The following CPD variants were observed in gnomAD, a reference collection of about 807,000 sequenced individuals.
CPD encodes metallocarboxypeptidase D.
CPD carries 69 observed loss-of-function variants against 138.3 expected under a neutral mutation model. That is an observed-to-expected ratio of 0.50 (90% CI 0.41 to 0.61). The LOEUF is 0.61. CPD is among the 20% of genes least tolerant of loss of function. CPD has a pLI of 0.00. For missense variants in CPD, 1,432 were observed against 1,733.3 expected (o/e 0.83, Z 3.09); for synonymous variants, 651 against 642.1 (o/e 1.01, Z -0.21).
rs556234135 is a variant in CPD at position 30,427,494 on chromosome 17, A to C, written c.1953A>C (p.Glu651Asp). The change falls in exon 7 of 21, where the codon GAA becomes GAC. Residue 651 changes from glutamate to aspartate, a missense_variant. Around this residue, in one of 6 missense-constraint regions of CPD, gnomAD observed 297 missense variants for 405.3 expected, o/e 0.73. Transcript: ENST00000225719. ...AGATCACAGATCCTACGCAACCAGA[A>C]ACTATTGCTGTAATGAGCTGGATGA... ...FVQITDPTQP[E>D]TIAVMSWMKS... is the part of the protein sequence containing the mutation. 1 of 1,614,158 alleles carries C rather than the reference A, an allele frequency of 6.2e-7. No individual in the cohort carries two copies. Among genetic ancestry groups the C allele is most frequent in the African/African-American group, 1.3e-5 (1 of 75,040 alleles).
At chr17:30,380,583 G>A (rs1911013286) in intron 1 of CPD, 11 of 1,502,886 alleles carry the variant, frequency 7.3e-6, no homozygotes, top group Middle Eastern at 3.8e-4. Context: ...TTACAAAGTA[G>A]AAGAAGGAGG....
chr17:30,393,257 A>G (rs186800600), intron 2 of CPD, among the ~76,000 whole-genome samples: 1 of 152,144 alleles, frequency 6.6e-6, no homozygotes, highest in Non-Finnish European at 1.5e-5. Context: ...TTAAATATTG[A>G]AGTATGTTTG....
At chr17:30,402,441 C>G (rs1028641434) in intron 2 of CPD, among the ~76,000 whole-genome samples, 4 of 151,956 alleles carry the variant, frequency 2.6e-5, no homozygotes, top group Non-Finnish European at 5.9e-5. Flanking sequence ...TGGCACATGC[C>G]TGTAATCCCA....
At position 30,379,440 on chromosome 17, in the gene CPD, C is replaced by G. The variant is rs373064492; in HGVS notation, c.460C>G (p.Arg154Gly). Residue 154 changes from arginine (R) to glycine (G), a missense_variant, in exon 1 of 21, where the codon CGC (arginine) becomes GGC (glycine). This residue lies in a region of CPD where 484 missense variants were observed against 477.2 expected (regional missense o/e 1.01). Transcript: ENST00000225719. This position sits in a 1 kb window ranked among gnomAD's most constrained non-coding sequence, Gnocchi z 7.0. ...VSRQVLIYLA[R>G]ELAAGYRRGD... ...GCGCCAGGTGTTGATCTACTTGGCC[C>G]GCGAGCTGGCGGCCGGCTACCGCCG... is the stretch of plus-strand genomic sequence containing the variant. The G allele has an allele frequency of 6.4e-7, 1 of 1,568,220 alleles. No individual in the cohort carries two copies. The highest frequency in any genetic ancestry group is 8.6e-7 in the Non-Finnish European group (1 of 1,165,374).
intron 8 of CPD, among the ~76,000 whole-genome samples, chr17:30,437,907 G>A (rs1236561776): frequency 6.6e-6 from 1 of 151,298 alleles, no homozygotes; most frequent in Non-Finnish European, 1.5e-5. Flanking sequence ...TGCAATCATG[G>A]TTTACTGCAG....
In CPD at chr17:30,449,749, G is replaced by A; in HGVS notation, c.3069+1G>A. 1.9e-6 allele frequency: 3 copies of A among 1,552,254 alleles called. No homozygotes were observed. The highest frequency in any genetic ancestry group is 2.6e-6 in the Non-Finnish European group (3 of 1,159,044). On this transcript the variant is annotated splice_donor_variant, in intron 13 of 20. Coordinates refer to ENST00000225719, the MANE Select transcript of CPD (RefSeq NM_001304.5). LOFTEE classifies it high-confidence loss of function. ...CAAAAAGAACCCAGCTGTTACCCAAGTAAGAGAATAGCCGAGGTTGACATG... is the reference window on the plus strand; with the variant it reads ...CAAAAAGAACCCAGCTGTTACCCAAATAAGAGAATAGCCGAGGTTGACATG...
At chr17:30,412,875 G>A (rs561897188) in intron 2 of CPD, among the ~76,000 whole-genome samples, 11 of 152,168 alleles carry the variant, frequency 7.2e-5, no homozygotes, top group African/African-American at 1.9e-4. Context: ...CTTGCCCTCC[G>A]TGGGCTGCAC....
At chr17:30,414,955 A>G (rs1164807370) in intron 2 of CPD, among the ~76,000 whole-genome samples, 1 of 149,376 alleles carries the variant, frequency 6.7e-6, no homozygotes, top group East Asian at 2.0e-4. Flanking sequence ...GGGGACAGAA[A>G]TTTGAGGGTT....
intron 8 of CPD, among the ~76,000 whole-genome samples, chr17:30,433,092 C>T (rs527336582): frequency 2.6e-5 from 4 of 152,214 alleles, no homozygotes; most frequent in Non-Finnish European, 5.9e-5. Flanking sequence ...TCTCCAGTCA[C>T]AGTCCTCCAT....
chr17:30,413,781 G>A (rs1272373309), intron 2 of CPD, among the ~76,000 whole-genome samples: 2 of 152,222 alleles, frequency 1.3e-5, no homozygotes, highest in African/African-American at 2.4e-5. Flanking sequence ...AGGGTAAGAG[G>A]AACTGGGAGT....
At chr17:30,439,365 ATTCTTTTTTTTCTTTACAACGTTACT>A (rs954082450) in intron 9 of CPD, among the ~76,000 whole-genome samples, 4 of 20,958 alleles carry the variant, frequency 1.9e-4, no homozygotes, top group East Asian at 1.5e-3. Flanking sequence ...CTATATTTGA[ATTCTTTTTTTTCTTTACAACGTTACT>A]TTCTTTTTTT....
At chr17:30,446,425 G>A (rs572679905) in intron 12 of CPD, among the ~76,000 whole-genome samples, 1 of 152,174 alleles carries the variant, frequency 6.6e-6, no homozygotes, top group African/African-American at 2.4e-5. Flanking sequence ...AACATGCAGT[G>A]TTTGGTTTTT....
rs770682221 is a variant in CPD at position 30,443,968 on chromosome 17, G to A, written c.2540G>A (p.Arg847Gln). The A allele has an allele frequency of 1.4e-5, 23 of 1,613,446 alleles. No homozygotes were observed. The highest frequency in any genetic ancestry group is 9.9e-5 in the South Asian group (9 of 91,064). Residue 847 changes from arginine (R) to glutamine (Q), a missense_variant, in exon 11 of 21, where the codon CGA becomes CAA. Arg to Gln is a conservative substitution (Grantham distance 43, BLOSUM62 1). Transcript: ENST00000225719. ...PGTYKITASARGYNPVTKNVT... is the reference protein window; with the variant it reads ...PGTYKITASAQGYNPVTKNVT... The stretch of plus-strand genomic sequence containing the variant: ...ACTTATAAAATCACAGCATCTGCTC[G>A]AGGGTGAGTGACTGAATGCTTTGAA...
chr17:30,455,565 C>CTCAAATGCTCACT, intron 15 of CPD, 95 bp downstream of exon 15: 1 of 1,371,104 alleles, frequency 7.3e-7, no homozygotes, highest in African/African-American at 1.5e-5. Flanking sequence ...AAATAGTGAG[C>CTCAAATGCTCACT]ATTTGAGCAC....
rs1912412695 is a variant in CPD, at chr17:30,426,535, G to A, written c.1850-856G>A. Among the ~76,000 whole-genome samples the A allele has an allele frequency of 2.6e-5, 4 of 152,238 alleles. No individual in the cohort carries two copies. The South Asian group carries it at 8.3e-4, about 31-fold the overall frequency. ...GAGTTACAACTCACTCACTGGTCCA[G>A]GTGACGTCAGCTGGTTGTCAGAAAT... On this transcript the variant is annotated intron_variant, in intron 6 of 20. Coordinates refer to ENST00000225719, the MANE Select transcript of CPD (RefSeq NM_001304.5).
chr17:30,413,477 A>C (rs17725491), intron 2 of CPD, among the ~76,000 whole-genome samples: 3,028 of 152,338 alleles, frequency 0.02, 45 homozygotes, highest in Non-Finnish European at 0.03. Flanking sequence ...CTGAGAAGTC[A>C]AAGTCTGTTT....
chr17:30,447,402 G>A (rs989385628), intron 12 of CPD, among the ~76,000 whole-genome samples: 1 of 152,086 alleles, frequency 6.6e-6, no homozygotes, highest in Non-Finnish European at 1.5e-5. Context: ...GTGAATCTTG[G>A]GAACTTTAAG....
At position 30,385,858 on chromosome 17, in the gene CPD, A is replaced by ATCTT. The variant is rs1251981469; in HGVS notation, c.994+623_994+624insCTTT. On this transcript the variant is annotated intron_variant, in intron 2 of 20. Transcript: ENST00000225719. ...CCTATGGAAAAATTCCATAATCTAG[A>ATCTT]TTGTCACTTTCTTCATGGTAAGATT... Among the ~76,000 whole-genome samples the ATCTT allele has an allele frequency of 6.6e-5, 10 of 151,470 alleles. 1 individual carries two copies. The East Asian group carries it at 1.9e-3, about 29-fold the overall frequency.
intron 17 of CPD, chr17:30,456,769 G>T: frequency 2.6e-6 from 1 of 381,054 alleles, no homozygotes; most frequent in East Asian, 5.3e-5. Context: ...TTGAACCTGG[G>T]AGGCGGAGGT....
Sources: allele counts gnomAD v4.1 joint callset (sites outside exome capture counted in the v4.1 genomes callset), GRCh38; gene constraint gnomAD v4.1.1; regional missense constraint gnomAD v4.1.1; non-coding constraint Gnocchi (gnomAD v3.1); transcripts MANE v1.5; gene names NCBI Gene and HGNC (gene_info 2026-07-23, HGNC 2026-07-21).